Variants in DAB1 observed in about 807,000 individuals in gnomAD.
DAB1 encodes DAB adaptor protein 1.
Under a neutral mutation model 64.6 loss-of-function variants are expected in DAB1, and 15 were observed. That is an observed-to-expected ratio of 0.23 (90% CI 0.16 to 0.36). The LOEUF is 0.36. Among genes scored for constraint, DAB1 ranks in the 10% least tolerant of loss-of-function variants. The pLI, the probability that DAB1 is intolerant of heterozygous loss-of-function variation, is 1.00. For synonymous variants in DAB1, 235 were observed against 251.9 expected (o/e 0.93, Z 0.64); for missense variants, 596 against 706.7 (o/e 0.84, Z 1.78).
At chr1:58,417,680 A>C (rs952457842) in intron 3 of DAB1, among the ~76,000 whole-genome samples, 1 of 152,152 alleles carries the variant, frequency 6.6e-6, no homozygotes, top group Admixed American at 6.5e-5. Context: ...AATCAATTGA[A>C]GTGCTGCTGC....
chr1:58,196,287 T>C (rs181006574), intron 4 of DAB1, among the ~76,000 whole-genome samples: 1 of 152,280 alleles, frequency 6.6e-6, no homozygotes, highest in East Asian at 1.9e-4. Context: ...GCACCAAGTA[T>C]GAGGAAGGGT....
intron 5 of DAB1, among the ~76,000 whole-genome samples, chr1:58,129,661 T>C (rs546307644): frequency 6.9e-6 from 1 of 144,256 alleles, no homozygotes; most frequent in African/African-American, 2.6e-5. Context: ...TGTTGTGTCT[T>C]TGTTCTCGTT....
At chr1:57,820,941 A>G (rs1652088711) in intron 6 of DAB1, among the ~76,000 whole-genome samples, 1 of 152,178 alleles carries the variant, frequency 6.6e-6, no homozygotes. Flanking sequence ...TCCTAAATCC[A>G]TGTTCATTTC....
At chr1:58,028,552 T>C (rs1161058709) in intron 5 of DAB1, among the ~76,000 whole-genome samples, 1 of 152,148 alleles carries the variant, frequency 6.6e-6, no homozygotes, top group Non-Finnish European at 1.5e-5. Context: ...ATGCTAAACC[T>C]ATGACCACCA....
At chr1:57,430,704 A>G (rs1685473175) in intron 7 of DAB1, among the ~76,000 whole-genome samples, 1 of 152,192 alleles carries the variant, frequency 6.6e-6, no homozygotes, top group African/African-American at 2.4e-5. Context: ...CAAGCTTAAT[A>G]GAGATGTAAT....
intron 3 of DAB1, among the ~76,000 whole-genome samples, chr1:58,457,244 C>A (rs1278170701): frequency 6.6e-6 from 1 of 152,184 alleles, no homozygotes; most frequent in Non-Finnish European, 1.5e-5. Context: ...TTCTTCCCAG[C>A]CAGGCTGCAT....
chr1:57,067,435 G>C (rs941898823), intron 8 of DAB1, among the ~76,000 whole-genome samples: 4 of 152,132 alleles, frequency 2.6e-5, no homozygotes, highest in African/African-American at 9.7e-5. Context: ...ATCACTGTGA[G>C]CCTCACTTTC....
chr1:58,287,711 G>A (rs916929314), intron 4 of DAB1, among the ~76,000 whole-genome samples: 1 of 152,110 alleles, frequency 6.6e-6, no homozygotes, highest in African/African-American at 2.4e-5. Flanking sequence ...AGTCACTAAA[G>A]TCAGCTGAGA....
chr1:57,040,407 C>T (rs773762476), intron 9 of DAB1, among the ~76,000 whole-genome samples: 1 of 152,154 alleles, frequency 6.6e-6, no homozygotes, highest in Non-Finnish European at 1.5e-5. Flanking sequence ...CCATCACAGA[C>T]ACAGAGCTCT....
intron 7 of DAB1, among the ~76,000 whole-genome samples, chr1:57,488,398 T>C (rs1455039981): frequency 1.1e-5 from 1 of 87,006 alleles, no homozygotes; most frequent in African/African-American, 4.6e-5. Context: ...CCAGATTCCG[T>C]CTCAAAAAAA....
intron 14 of DAB1, among the ~76,000 whole-genome samples, chr1:57,002,983 GCTTTATCCTCC>G (rs1343311748): frequency 5.3e-5 from 8 of 152,220 alleles, no homozygotes; most frequent in African/African-American, 1.9e-4. Context: ...TGGGAGTGTG[GCTTTATCCTCC>G]CTTTATAGAC....
chr1:57,123,663 C>T (rs887375011), intron 4 of DAB1, among the ~76,000 whole-genome samples: 34 of 152,066 alleles, frequency 2.2e-4, no homozygotes, highest in Non-Finnish European at 4.0e-4. Flanking sequence ...ACAGATAAAA[C>T]CTGCATGGCT....
intron 9 of DAB1, among the ~76,000 whole-genome samples, chr1:57,048,576 TAAC>T (rs1161880174): frequency 6.6e-6 from 1 of 152,204 alleles, no homozygotes; most frequent in African/African-American, 2.4e-5. Flanking sequence ...ACCCACGTAA[TAAC>T]GAGTGGATTA....
chr1:58,051,617 C>T (rs1019859195), intron 5 of DAB1, among the ~76,000 whole-genome samples: 9 of 152,138 alleles, frequency 5.9e-5, no homozygotes, highest in Non-Finnish European at 8.8e-5. Flanking sequence ...CTTGAGGAAT[C>T]GCCACACTGT....
chr1:57,680,540 T>C (rs1646624077), intron 6 of DAB1, among the ~76,000 whole-genome samples: 1 of 152,212 alleles, frequency 6.6e-6, no homozygotes, highest in South Asian at 2.1e-4. Flanking sequence ...CTAGTGATGA[T>C]GAGTGAGGCT....
intron 7 of DAB1, among the ~76,000 whole-genome samples, chr1:57,455,421 G>A (rs1686551248): frequency 6.6e-6 from 1 of 152,122 alleles, no homozygotes. Context: ...TGATGCTGGA[G>A]CCTTGTCTCT....
At chr1:58,376,550 G>A (rs895026898) in intron 3 of DAB1, among the ~76,000 whole-genome samples, 1 of 146,718 alleles carries the variant, frequency 6.8e-6, no homozygotes, top group Non-Finnish European at 1.5e-5. Flanking sequence ...GAGATAGTTT[G>A]TTATAATTTC....
intron 6 of DAB1, among the ~76,000 whole-genome samples, chr1:57,744,829 G>A (rs1410235834): frequency 1.3e-5 from 2 of 152,244 alleles, no homozygotes; most frequent in South Asian, 2.1e-4. Flanking sequence ...CTGTCCAGTA[G>A]GAACAAAAGC....
At chr1:57,575,136 T>C (rs190583583) in intron 7 of DAB1, among the ~76,000 whole-genome samples, 1 of 152,304 alleles carries the variant, frequency 6.6e-6, no homozygotes, top group East Asian at 1.9e-4. Flanking sequence ...CTGAGTGGCT[T>C]TCAGCGGGCA....
Sources: gnomAD v4.1 joint callset for allele counts (sites outside exome capture counted in the v4.1 genomes callset) on GRCh38, gnomAD v4.1.1 for gene constraint, MANE v1.5 for transcripts, NCBI Gene and HGNC (gene_info 2026-07-23, HGNC 2026-07-21) for gene names.